REC114: variants seen among roughly 807,000 people sequenced by gnomAD.
The protein encoded by REC114 is meiotic recombination protein REC114.
REC114 carries 27 observed loss-of-function variants against 31.3 expected under a neutral mutation model. The observed-to-expected ratio is 0.86, with a 90% CI of 0.64 to 1.19. The LOEUF (loss-of-function observed/expected upper bound fraction) is 1.19, where lower values mean the gene tolerates loss of function less well. REC114 is among the 50% of genes most tolerant of loss of function. The pLI is 0.00. For synonymous variants in REC114, 134 were observed against 127.7 expected (o/e 1.05, Z -0.33); for missense variants, 344 against 326.9 (o/e 1.05, Z -0.40).
At chr15:73,507,056 A>C (rs1379054749) in intron 2 of REC114, among the ~76,000 whole-genome samples, 1 of 152,182 alleles carries the variant, frequency 6.6e-6, no homozygotes, top group Non-Finnish European at 1.5e-5. Context: ...TGCATGGAAA[A>C]AATACCATAA....
chr15:73,540,396 A>G (rs1330487762), intron 2 of REC114, 89 bp from the exon 3 acceptor site: 3 of 962,594 alleles, frequency 3.1e-6, no homozygotes, highest in East Asian at 2.4e-5. Flanking sequence ...ATAAACAAAT[A>G]TACAACTTTC....
intron 4 of REC114, among the ~76,000 whole-genome samples, chr15:73,553,411 T>G (rs771355263): frequency 4.6e-5 from 7 of 152,050 alleles, no homozygotes; most frequent in Non-Finnish European, 7.3e-5. Flanking sequence ...TTGGTTGTTA[T>G]AAGGTATTTT....
rs139229412 is a variant in REC114 at position 73,454,781 on chromosome 15, A to G, written c.159+11437A>G. ...GTTCCTTGATACCTTCTCATAAAAC[A>G]CTTTAAACCCTTTCTCCTAAAGCAT... On this transcript the variant is annotated intron_variant, in intron 1 of 5. Coordinates refer to ENST00000331090, the MANE Select transcript of REC114 (RefSeq NM_001042367.2). Among the ~76,000 whole-genome samples, 61 of 152,322 alleles carry G rather than the reference A, an allele frequency of 4.0e-4. No homozygotes were observed. The East Asian group carries it at 9.3e-3, about 23-fold the overall frequency.
intron 2 of REC114, among the ~76,000 whole-genome samples, chr15:73,491,221 T>TTTTTGTGTAC (rs1893437355): frequency 1.1e-4 from 1 of 9,170 alleles, no homozygotes; most frequent in Non-Finnish European, 4.2e-4. Flanking sequence ...ATTTTGTGTA[T>TTTTTGTGTAC]TATCTTTGTG....
Position 73,458,697 on chromosome 15 carries a change from G to T in REC114, c.160-15135G>T, listed in dbSNP as rs557241550. 2.0e-3 allele frequency among the ~76,000 whole-genome samples: 299 copies of T among 152,288 alleles called. 3 individuals carry two copies. Among genetic ancestry groups the T allele is most frequent in the African/African-American group, 6.9e-3 (287 of 41,576 alleles). On this transcript the variant is annotated intron_variant, in intron 1 of 5. Transcript: ENST00000331090. ...ATCAGTATCCTAGACAGCTTGTGGAGGAGGGGATAAAGAAATGGACAAAGG... is the reference window on the plus strand; with the variant it reads ...ATCAGTATCCTAGACAGCTTGTGGATGAGGGGATAAAGAAATGGACAAAGG...
intron 2 of REC114, among the ~76,000 whole-genome samples, chr15:73,507,072 T>TA (rs996436401): frequency 6.6e-6 from 1 of 152,024 alleles, no homozygotes; most frequent in Admixed American, 6.6e-5. Context: ...CATAAAGTTT[T>TA]AAAAAAAGAC....
At chr15:73,535,758 C>T (rs1894146014) in intron 2 of REC114, among the ~76,000 whole-genome samples, 2 of 149,514 alleles carry the variant, frequency 1.3e-5, no homozygotes, top group South Asian at 2.2e-4. Flanking sequence ...AGGCATCACA[C>T]TACCTGACTT....
rs569851182 is a variant in REC114 at position 73,489,123 on chromosome 15, A to G, written c.249+15202A>G. Among the ~76,000 whole-genome samples the G allele has an allele frequency of 1.1e-4, 17 of 151,480 alleles. No individual in the cohort carries two copies. The East Asian group carries it at 3.3e-3, about 30-fold the overall frequency. On this transcript the variant is annotated intron_variant, in intron 2 of 5. Coordinates refer to ENST00000331090, the MANE Select transcript of REC114 (RefSeq NM_001042367.2). ...GGCATCTTTTTGCTACATCCTCCAT[A>G]GGGAAGGAAAACTAAGTCTTCACAT...
chr15:73,462,623 C>T (rs942387075), intron 1 of REC114, among the ~76,000 whole-genome samples: 12 of 152,148 alleles, frequency 7.9e-5, no homozygotes, highest in Non-Finnish European at 1.0e-4. Context: ...CGGTGGCTCA[C>T]GCCTGTAATC....
intron 2 of REC114, among the ~76,000 whole-genome samples, chr15:73,482,125 C>T (rs1452737093): frequency 6.6e-6 from 1 of 152,160 alleles, no homozygotes; most frequent in Non-Finnish European, 1.5e-5. Context: ...TGGTAACCAC[C>T]ATTCTACTTT....
rs145364426 is a variant in REC114, at chr15:73,530,814, AAC to A, written c.250-9667_250-9666del. On this transcript the variant is annotated intron_variant, in intron 2 of 5. Coordinates refer to ENST00000331090, the MANE Select transcript of REC114 (RefSeq NM_001042367.2). ...CTGAGCTCCAGGATAGTGAGTCAGA[AAC>A]ACAACCCTGAAGCTTAAGCCAGGGT... Among the ~76,000 whole-genome samples the A allele has an allele frequency of 4.8e-3, 723 of 152,154 alleles. 3 individuals carry two copies. The highest frequency in any genetic ancestry group is 0.017 in the African/African-American group (685 of 41,484).
In REC114 at chr15:73,530,130, A is replaced by T. The variant is rs780231780; in HGVS notation, c.250-10355A>T. ...TAGAATGGGCATCTTAGTTTGAGCT[A>T]TCTCAGTCTGAGATATGATATTAAG... On this transcript the variant is annotated intron_variant, in intron 2 of 5. Transcript: ENST00000331090. Among the ~76,000 whole-genome samples, 4 of 152,232 alleles carry T rather than the reference A, an allele frequency of 2.6e-5. No individual in the cohort carries two copies. The East Asian group carries it at 5.8e-4, about 22-fold the overall frequency.
At chr15:73,458,279 G>A (rs1305379956) in intron 1 of REC114, among the ~76,000 whole-genome samples, 1 of 152,100 alleles carries the variant, frequency 6.6e-6, no homozygotes, top group African/African-American at 2.4e-5. Context: ...TAGACAAAAA[G>A]CTGAGGCCTA....
chr15:73,504,804 T>G (rs1893653201), intron 2 of REC114, among the ~76,000 whole-genome samples: 1 of 152,170 alleles, frequency 6.6e-6, no homozygotes, highest in Non-Finnish European at 1.5e-5. Context: ...GAATTATAAG[T>G]TGTATAAAAA....
chr15:73,493,244 CTTTT>C (rs977281887), intron 2 of REC114, among the ~76,000 whole-genome samples: 1 of 152,026 alleles, frequency 6.6e-6, no homozygotes, highest in Non-Finnish European at 1.5e-5. Context: ...GCTGCTTATT[CTTTT>C]ATTTCTTCAA....
rs776912761 is a variant in REC114 at position 73,559,868 on chromosome 15, G to C, written c.753G>C (p.Val251=). 5.0e-6 allele frequency: 8 copies of C among 1,612,532 alleles called. No individual in the cohort carries two copies. In the South Asian group the frequency reaches 8.8e-5, roughly 18 times the overall value. Residue 251 remains valine (V), a synonymous_variant, in exon 6 of 6, where the codon GTG becomes GTC. Coordinates refer to ENST00000331090, the MANE Select transcript of REC114 (RefSeq NM_001042367.2). ...TGGATCAGAATTTCCCAGCATTTGTGGAAGAGGTAGAAAAGGAACTGAAAA... is the reference window on the plus strand; with the variant it reads ...TGGATCAGAATTTCCCAGCATTTGTCGAAGAGGTAGAAAAGGAACTGAAAA... ...CLMDQNFPAF[V]EEVEKELKKL...
chr15:73,469,259 T>A (rs1054934866), intron 1 of REC114, among the ~76,000 whole-genome samples: 1 of 152,242 alleles, frequency 6.6e-6, no homozygotes, highest in Non-Finnish European at 1.5e-5. Context: ...TATCACTTAC[T>A]GCTTCGTGTA....
chr15:73,481,386 A>G (rs915024015), intron 2 of REC114, among the ~76,000 whole-genome samples: 21 of 152,036 alleles, frequency 1.4e-4, no homozygotes, highest in African/African-American at 4.1e-4. Flanking sequence ...CCTGCATTCA[A>G]CTGGGGACAT....
chr15:73,500,721 AATT>A (rs1893592490), intron 2 of REC114, among the ~76,000 whole-genome samples: 1 of 148,604 alleles, frequency 6.7e-6, no homozygotes, highest in African/African-American at 2.5e-5. Context: ...TGTTCTCTTC[AATT>A]ATTGTTTTTT....
Sources: allele counts gnomAD v4.1 joint callset (sites outside exome capture counted in the v4.1 genomes callset), GRCh38; gene constraint gnomAD v4.1.1; transcripts MANE v1.5; gene names NCBI Gene and HGNC (gene_info 2026-07-23, HGNC 2026-07-21).